The following FRMD3 variants were observed in gnomAD, a reference collection of about 807,000 sequenced individuals.
FRMD3 encodes the protein FERM domain containing 3.
Under a neutral mutation model 70.2 loss-of-function variants are expected in FRMD3, and 33 were observed. That is an observed-to-expected ratio of 0.47 (90% CI 0.36 to 0.63). FRMD3 has a LOEUF of 0.63. FRMD3 is among the 20% of genes least tolerant of loss of function. The pLI, the probability that FRMD3 is intolerant of heterozygous loss-of-function variation, is 0.00. For synonymous variants in FRMD3, 279 were observed against 255.9 expected, an observed-to-expected ratio of 1.09 and a Z score of -0.86; for missense variants, 632 against 711.4, an observed-to-expected ratio of 0.89 and a Z score of 1.27.
chr9:83,328,703 G>C (rs1021014796), intron 6 of FRMD3, among the ~76,000 whole-genome samples: 1 of 152,186 alleles, frequency 6.6e-6, no homozygotes, highest in South Asian at 2.1e-4. Flanking sequence ...TGAAATGGCC[G>C]AAAATCTGGG....
At chr9:83,512,304 T>G (rs58174380) in intron 1 of FRMD3, among the ~76,000 whole-genome samples, 2,667 of 152,234 alleles carry the variant, frequency 0.018, 67 homozygotes, top group African/African-American at 0.06. Flanking sequence ...GACACTGGGG[T>G]GCAGGAACAT....
intron 3 of FRMD3, among the ~76,000 whole-genome samples, chr9:83,362,950 T>G (rs150186921): frequency 2.5e-4 from 36 of 142,916 alleles, no homozygotes; most frequent in African/African-American, 9.1e-4. Flanking sequence ...TTCCTTGCTT[T>G]CTTTCTTCCT....
intron 6 of FRMD3, among the ~76,000 whole-genome samples, chr9:83,317,978 ACGACTCCAACCT>A (rs1835650253): frequency 1.3e-5 from 2 of 152,342 alleles, no homozygotes; most frequent in South Asian, 2.1e-4. Context: ...ACCAGTAACC[ACGACTCCAACCT>A]CTGCACAATA....
intron 9 of FRMD3, among the ~76,000 whole-genome samples, chr9:83,310,270 G>A (rs1410211181): frequency 6.6e-6 from 1 of 152,130 alleles, no homozygotes; most frequent in African/African-American, 2.4e-5. Context: ...ACATGGGGGT[G>A]TACAATCAGC....
chr9:83,415,061 A>G (rs1826391748), intron 1 of FRMD3, among the ~76,000 whole-genome samples: 1 of 152,190 alleles, frequency 6.6e-6, no homozygotes, highest in Non-Finnish European at 1.5e-5. Context: ...CCCATTGGAG[A>G]GGGTCAGGCA....
At chr9:83,281,853 T>A (rs1195826450) in intron 13 of FRMD3, among the ~76,000 whole-genome samples, 2 of 152,158 alleles carry the variant, frequency 1.3e-5, no homozygotes, top group African/African-American at 4.8e-5. Context: ...AGTCAGCAGG[T>A]CCTGGCATGC....
At chr9:83,377,623 C>T (rs1175304125) in intron 2 of FRMD3, among the ~76,000 whole-genome samples, 1 of 152,032 alleles carries the variant, frequency 6.6e-6, no homozygotes, top group African/African-American at 2.4e-5. Flanking sequence ...GCACCTTCCT[C>T]CTCTCTCCTG....
chr9:83,380,108 T>C (rs964157162), intron 2 of FRMD3, among the ~76,000 whole-genome samples: 4 of 152,204 alleles, frequency 2.6e-5, no homozygotes, highest in African/African-American at 7.2e-5. Flanking sequence ...CTGTCTTCCA[T>C]GGTGTTTAAA....
At chr9:83,349,389 G>A (rs924119743) in intron 4 of FRMD3, among the ~76,000 whole-genome samples, 3 of 152,114 alleles carry the variant, frequency 2.0e-5, no homozygotes, top group South Asian at 2.1e-4. Context: ...GAAGACAGAC[G>A]CCTCCTATTT....
In FRMD3 at chr9:83,290,708, G is replaced by A. The variant is rs755092589; in HGVS notation, c.1090C>T (p.Arg364Cys). ...EVHRANITQS[R>C]SSHSLNKQLI... is the part of the protein sequence containing the mutation. ...TGTTTGTTCAAGGAGTGGGAACTGC[G>A]GCTCTGAGTAATGTTGGCTCTGAAA... The change falls in exon 13 of 14, where the codon CGC (arginine) becomes TGC (cysteine). Residue 364 changes from arginine (R) to cysteine (C), a missense_variant. By Grantham distance (180) the Arg-to-Cys change is radical (BLOSUM62 -3). Around this residue, in one of 3 missense-constraint regions of FRMD3, gnomAD observed 418 missense variants for 442.1 expected, o/e 0.95. Transcript: ENST00000304195. 3.2e-5 allele frequency: 51 copies of A among 1,612,170 alleles called. No individual in the cohort carries two copies. The highest frequency in any genetic ancestry group is 5.3e-5 in the African/African-American group (4 of 74,826).
intron 10 of FRMD3, among the ~76,000 whole-genome samples, chr9:83,301,898 C>T (rs374432762): frequency 1.3e-5 from 2 of 152,254 alleles, no homozygotes; most frequent in African/African-American, 2.4e-5. Context: ...TTTCTGGCTG[C>T]GGGTTCCCCT....
At chr9:83,271,359 T>C (rs1186215755) in intron 13 of FRMD3, among the ~76,000 whole-genome samples, 1 of 152,178 alleles carries the variant, frequency 6.6e-6, no homozygotes, top group African/African-American at 2.4e-5. Context: ...AAAGAGTCCT[T>C]GGGACTAACA....
intron 1 of FRMD3, among the ~76,000 whole-genome samples, chr9:83,498,717 C>T (rs56065458): frequency 0.012 from 1,806 of 150,884 alleles, 20 homozygotes; most frequent in Admixed American, 0.024. Context: ...TCAATATCTA[C>T]CCTCAAAGCT....
chr9:83,246,158 CT>C lies in FRMD3; in HGVS notation c.*1759del. On this transcript the variant is annotated 3_prime_UTR_variant, in exon 14 of 14. Coordinates refer to ENST00000304195, the MANE Select transcript of FRMD3 (RefSeq NM_174938.6). ...TGTATTGCCCAATTTAGAAATCATG[CT>C]AATGATAGGGTTGGAATGTCATTAG... 4 of 985,202 alleles carry C rather than the reference CT, an allele frequency of 4.1e-6. No individual in the cohort carries two copies. The highest frequency in any genetic ancestry group is 4.8e-6 in the Non-Finnish European group (4 of 829,824). The allele number at this position is 985,202 out of a possible 1,614,324, so 61.0% of individuals were successfully genotyped here.
At chr9:83,520,290 C>G (rs1200141887) in intron 1 of FRMD3, among the ~76,000 whole-genome samples, 1 of 152,182 alleles carries the variant, frequency 6.6e-6, no homozygotes, top group Non-Finnish European at 1.5e-5. Flanking sequence ...TCCCTTCCAA[C>G]TTTCTAAGTT....
intron 10 of FRMD3, among the ~76,000 whole-genome samples, chr9:83,303,655 A>G (rs1423910001): frequency 1.3e-5 from 2 of 152,200 alleles, no homozygotes. Context: ...AGCACTGCCA[A>G]CACCTAGGTT....
At chr9:83,457,136 T>C (rs1482983486) in intron 1 of FRMD3, among the ~76,000 whole-genome samples, 1 of 152,166 alleles carries the variant, frequency 6.6e-6, no homozygotes, top group Non-Finnish European at 1.5e-5. Flanking sequence ...AAGACAAATA[T>C]CTACTTACAA....
chr9:83,318,912 T>C (rs554089193), intron 6 of FRMD3, among the ~76,000 whole-genome samples: 2 of 152,274 alleles, frequency 1.3e-5, no homozygotes, highest in East Asian at 3.9e-4. Flanking sequence ...ATGTTGAACA[T>C]TTTTTTCATG....
intron 5 of FRMD3, among the ~76,000 whole-genome samples, chr9:83,342,230 T>C (rs1230765256): frequency 6.6e-6 from 1 of 152,160 alleles, no homozygotes. Context: ...TCCGTGGCCA[T>C]ATGGTGCCTC....
Sources: gnomAD v4.1 joint callset for allele counts (sites outside exome capture counted in the v4.1 genomes callset) on GRCh38, gnomAD v4.1.1 for gene constraint, gnomAD v4.1.1 regional missense constraint, MANE v1.5 for transcripts, NCBI Gene and HGNC (gene_info 2026-07-23, HGNC 2026-07-21) for gene names.